Variants in MAP2 observed in about 807,000 individuals in gnomAD.
The protein encoded by MAP2 is microtubule associated protein 2.
In MAP2, 14 loss-of-function variants were observed where a neutral mutation model predicts 137.6. The observed-to-expected ratio is 0.10, with a 90% CI of 0.07 to 0.16. MAP2 has a LOEUF of 0.16. Ranked by LOEUF, MAP2 falls within the 10% of genes least tolerant of loss-of-function variation. The probability of loss-of-function intolerance (pLI) is 1.00; values close to 1 mark genes in which losing one functional copy is unlikely to be tolerated. For synonymous variants in MAP2, 786 were observed against 782.3 expected (o/e 1.00, Z -0.08); for missense variants, 2,088 against 2,191.5 (o/e 0.95, Z 0.94).
intron 1 of MAP2, among the ~76,000 whole-genome samples, chr2:209,488,756 G>A (rs917828836): frequency 6.6e-5 from 10 of 152,160 alleles, no homozygotes; most frequent in Non-Finnish European, 1.5e-4. Flanking sequence ...TCTCTAGCCA[G>A]GGCATCTCTG....
Position 209,732,197 on chromosome 2 carries a change from G to C in MAP2, c.*1800G>C, listed in dbSNP as rs1046192359. ...TCCTGAATATAAAGGAGGAAATGAT[G>C]AGGATGTACTGAGGCAACGGGGAAG... On this transcript the variant is annotated 3_prime_UTR_variant, in exon 16 of 16. Coordinates refer to ENST00000682079, the MANE Select transcript of MAP2 (RefSeq NM_001375505.1). The C allele has an allele frequency of 2.1e-4, 32 of 152,204 alleles. No individual in the cohort carries two copies. The highest frequency in any genetic ancestry group is 7.5e-4 in the African/African-American group (31 of 41,450). The allele number at this position is 152,204 out of a possible 1,614,324, so 9.4% of individuals were successfully genotyped here. A position where few individuals can be genotyped will look rare whatever the true frequency, so the allele number is the denominator to read the frequency against.
chr2:209,710,028 C>G lies in MAP2; in HGVS notation c.4847C>G (p.Thr1616Ser). ...PPSYSSRTPG[T>S]PGTPSYPRTP... ...AGTTATTCTTCACGCACACCAGGCA[C>G]TCCTGGAACCCCTAGCTATCCCAGG... Residue 1616 changes from threonine to serine, a missense_variant, in exon 13 of 16, where the codon ACT (threonine) becomes AGT (serine). Transcript: ENST00000682079. 1 of 1,614,050 alleles carries G rather than the reference C, an allele frequency of 6.2e-7. No homozygotes were observed. Among genetic ancestry groups the G allele is most frequent in the Admixed American group, 1.7e-5 (1 of 59,990 alleles).
At chr2:209,573,703 T>C (rs1016909036) in intron 2 of MAP2, among the ~76,000 whole-genome samples, 3 of 152,214 alleles carry the variant, frequency 2.0e-5, no homozygotes, top group Admixed American at 6.5e-5. Context: ...CATAGAGTTA[T>C]GCACTCATAA....
chr2:209,688,796 C>T (rs2057951468), intron 7 of MAP2, among the ~76,000 whole-genome samples: 2 of 152,044 alleles, frequency 1.3e-5, no homozygotes, highest in South Asian at 2.1e-4. Context: ...CCAAAAGGGA[C>T]AATATTTAAT....
intron 10 of MAP2, among the ~76,000 whole-genome samples, chr2:209,697,795 T>G (rs988033727): frequency 7.9e-5 from 12 of 152,314 alleles, no homozygotes; most frequent in African/African-American, 2.9e-4. Context: ...ACTCTTCCTT[T>G]TAGGAGGAAC....
chr2:209,458,548 T>C (rs1337590663), intron 1 of MAP2, among the ~76,000 whole-genome samples: 1 of 152,148 alleles, frequency 6.6e-6, no homozygotes, highest in African/African-American at 2.4e-5. Flanking sequence ...AGGCTGCCTA[T>C]TGAGAGATAG....
intron 5 of MAP2, among the ~76,000 whole-genome samples, chr2:209,667,313 T>C (rs2046778845): frequency 6.6e-6 from 1 of 152,106 alleles, no homozygotes; most frequent in South Asian, 2.1e-4. Context: ...TGAGAGTTTT[T>C]ACTTTTACAG....
At chr2:209,565,861 G>A (rs1185964220) in intron 2 of MAP2, among the ~76,000 whole-genome samples, 2 of 152,058 alleles carry the variant, frequency 1.3e-5, no homozygotes, top group Non-Finnish European at 2.9e-5. Flanking sequence ...TTTGCTCATC[G>A]GGTCTCTTAA....
At chr2:209,727,457 A>G (rs2074476620) in intron 14 of MAP2, among the ~76,000 whole-genome samples, 1 of 152,252 alleles carries the variant, frequency 6.6e-6, no homozygotes, top group South Asian at 2.1e-4. Context: ...TATATAGATA[A>G]GGAACTATTC....
chr2:209,518,813 A>T (rs1315781202), intron 2 of MAP2, among the ~76,000 whole-genome samples: 3 of 152,054 alleles, frequency 2.0e-5, no homozygotes, highest in African/African-American at 7.2e-5. Context: ...ATAAACATTG[A>T]TATCTGAACA....
chr2:209,573,298 G>GGTTTTTTTTTTTT (rs770132978), intron 2 of MAP2, among the ~76,000 whole-genome samples: 4 of 120,070 alleles, frequency 3.3e-5, no homozygotes, highest in African/African-American at 1.0e-4. Flanking sequence ...TTCTTTTTCT[G>GGTTTTTTTTTTTT]TTTTTTTTTT....
At position 209,694,322 on chromosome 2, in the gene MAP2, T is replaced by C. The variant is rs1253201382; in HGVS notation, c.2152T>C (p.Phe718Leu). ...AGATTCCATAGCCCTTGGATTTAAC[T>C]TTGGTCGGGGACATGATCTTTCTCC... ...CLDSIALGFN[F>L]GRGHDLSPLA... The change falls in exon 8 of 16, where the codon TTT (phenylalanine) becomes CTT (leucine). Residue 718 changes from phenylalanine (F) to leucine (L), a missense_variant. Transcript: ENST00000682079. 1 of 1,614,174 alleles carries C rather than the reference T, an allele frequency of 6.2e-7. No homozygotes were observed. Among genetic ancestry groups the C allele is most frequent in the Admixed American group, 1.7e-5 (1 of 60,022 alleles).
In MAP2 at chr2:209,434,893, ATGT is replaced by A. The variant is rs1559157368; in HGVS notation, c.-222+10619_-222+10621del. On this transcript the variant is annotated intron_variant, in intron 1 of 15. Coordinates refer to ENST00000682079, the MANE Select transcript of MAP2 (RefSeq NM_001375505.1). ...TATATGTTATATATATGTTATATAT[ATGT>A]TATATATATATGTTATATATATGTT... is the stretch of plus-strand genomic sequence containing the variant. 2.0e-3 allele frequency among the ~76,000 whole-genome samples: 273 copies of A among 136,522 alleles called. 8 individuals carry two copies. Among genetic ancestry groups the A allele is most frequent in the African/African-American group, 7.4e-3 (254 of 34,438 alleles). The allele number at this position is 136,522 out of a possible 152,430, so 89.6% of individuals were successfully genotyped here.
intron 1 of MAP2, among the ~76,000 whole-genome samples, chr2:209,490,260 A>G (rs1415721863): frequency 1.3e-5 from 2 of 152,204 alleles, no homozygotes; most frequent in Admixed American, 6.5e-5. Flanking sequence ...GCCTGCCTTA[A>G]AGAGCTCCTG....
At chr2:209,702,710 T>C (rs2062119207) in intron 11 of MAP2, among the ~76,000 whole-genome samples, 1 of 152,054 alleles carries the variant, frequency 6.6e-6, no homozygotes, top group South Asian at 2.1e-4. Context: ...TATCACGCTT[T>C]TGAAATTCAC....
rs1029918686 is a variant in MAP2 at position 209,710,061 on chromosome 2, A to G, written c.4880A>G (p.His1627Arg). Residue 1627 changes from histidine to arginine, a missense_variant, in exon 13 of 16, where the codon CAC (histidine) becomes CGC (arginine). By Grantham distance (29) the His-to-Arg change is conservative (BLOSUM62 0). Coordinates refer to ENST00000682079, the MANE Select transcript of MAP2 (RefSeq NM_001375505.1). The stretch of plus-strand genomic sequence containing the variant: ...ACCCCTAGCTATCCCAGGACCCCTC[A>G]CACACCAGGAACCCCCAAGTCTGCC... ...PGTPSYPRTPHTPGTPKSAIL... is the reference protein window; with the variant it reads ...PGTPSYPRTPRTPGTPKSAIL... The G allele has an allele frequency of 6.8e-6, 11 of 1,613,892 alleles. No homozygotes were observed. The highest frequency in any genetic ancestry group is 2.2e-5 in the East Asian group (1 of 44,846).
At chr2:209,671,061 G>A (rs561090899) in intron 5 of MAP2, among the ~76,000 whole-genome samples, 14 of 151,702 alleles carry the variant, frequency 9.2e-5, no homozygotes, top group African/African-American at 3.1e-4. Context: ...AACTAACTTC[G>A]CCTCAAATGC....
At chr2:209,574,583 C>T (rs1023251881) in intron 2 of MAP2, among the ~76,000 whole-genome samples, 2 of 152,154 alleles carry the variant, frequency 1.3e-5, no homozygotes, top group African/African-American at 4.8e-5. Context: ...ACAACTCACG[C>T]TACCCAATCC....
intron 1 of MAP2, among the ~76,000 whole-genome samples, chr2:209,425,562 A>C (rs1687041235): frequency 6.6e-6 from 1 of 152,214 alleles, no homozygotes; most frequent in Admixed American, 6.5e-5. Context: ...GAACTAATTT[A>C]AATGTTAAAG....
Sources: gnomAD v4.1 joint callset for allele counts (sites outside exome capture counted in the v4.1 genomes callset) on GRCh38, gnomAD v4.1.1 for gene constraint, MANE v1.5 for transcripts, NCBI Gene and HGNC (gene_info 2026-07-23, HGNC 2026-07-21) for gene names.